Variants in FSTL5 observed in about 807,000 individuals in gnomAD.
FSTL5 encodes follistatin-related protein 5.
In FSTL5, 62 loss-of-function variants were observed where a neutral mutation model predicts 89.1. The ratio of observed to expected loss-of-function variants is 0.70; its 90% confidence interval spans 0.57 to 0.86. The LOEUF is 0.86. FSTL5 is among the 40% of genes least tolerant of loss of function. FSTL5 has a pLI of 0.00. For synonymous variants in FSTL5, 383 were observed against 346.2 expected, an observed-to-expected ratio of 1.11 and a Z score of -1.18; for missense variants, 1,057 against 1,001.6, an observed-to-expected ratio of 1.06 and a Z score of -0.75.
intron 6 of FSTL5, among the ~76,000 whole-genome samples, chr4:161,726,674 T>C (rs1301007165): frequency 6.6e-6 from 1 of 152,164 alleles, no homozygotes; most frequent in African/African-American, 2.4e-5. Flanking sequence ...ACCATTTTGT[T>C]ACAAAGACTA....
rs141804950 is a variant in FSTL5, at chr4:161,739,996, CTATTTATTTATTTATT to C, written c.727+19399_727+19414del. 5.9e-4 allele frequency among the ~76,000 whole-genome samples: 88 copies of C among 149,490 alleles called. 1 individual carries two copies. Among genetic ancestry groups the C allele is most frequent in the African/African-American group, 1.6e-3 (67 of 40,710 alleles). On this transcript the variant is annotated intron_variant, in intron 6 of 15. Transcript: ENST00000306100. ...TAATGTGTTCAAAATAGGATAGTAT[CTATTTATTTATTTATT>C]TATTTATTTATTTATTTATTTATTG...
At chr4:161,930,580 G>A (rs1300070605) in intron 3 of FSTL5, among the ~76,000 whole-genome samples, 1 of 151,534 alleles carries the variant, frequency 6.6e-6, no homozygotes, top group Non-Finnish European at 1.5e-5. Flanking sequence ...AGTAAATACA[G>A]TGTCTTCAGG....
chr4:162,034,523 TCTC>T (rs1737658718), intron 2 of FSTL5, among the ~76,000 whole-genome samples: 1 of 152,094 alleles, frequency 6.6e-6, no homozygotes, highest in Non-Finnish European at 1.5e-5. Context: ...AGTTTGACAT[TCTC>T]CTTATTAGTT....
intron 4 of FSTL5, among the ~76,000 whole-genome samples, chr4:161,898,046 T>C (rs1306697251): frequency 6.7e-6 from 1 of 149,930 alleles, no homozygotes; most frequent in Non-Finnish European, 1.5e-5. Flanking sequence ...TGTCTATTTG[T>C]GAATTGACAG....
chr4:161,467,869 G>C (rs1291215515), intron 13 of FSTL5, among the ~76,000 whole-genome samples: 1 of 152,068 alleles, frequency 6.6e-6, no homozygotes, highest in Admixed American at 6.6e-5. Context: ...TTTTTTAAAA[G>C]ATAAATGTAT....
chr4:161,708,401 T>C (rs1738662685), intron 6 of FSTL5, among the ~76,000 whole-genome samples: 1 of 152,044 alleles, frequency 6.6e-6, no homozygotes, highest in Admixed American at 6.6e-5. Context: ...CTGTAATGCA[T>C]AGCTATACTT....
intron 3 of FSTL5, among the ~76,000 whole-genome samples, chr4:162,011,340 C>G (rs1736761012): frequency 6.6e-6 from 1 of 152,096 alleles, no homozygotes; most frequent in Admixed American, 6.6e-5. Flanking sequence ...CTCCCAAGAT[C>G]AGATTTCCCA....
chr4:162,128,920 C>CTT (rs11317941), intron 1 of FSTL5, among the ~76,000 whole-genome samples: 2 of 129,010 alleles, frequency 1.6e-5, no homozygotes, highest in African/African-American at 5.6e-5. Flanking sequence ...CTGTTTGAGA[C>CTT]TTTTTTTTTT....
chr4:162,130,048 G>A (rs1286935181), intron 1 of FSTL5, among the ~76,000 whole-genome samples: 2 of 152,128 alleles, frequency 1.3e-5, no homozygotes, highest in Admixed American at 6.5e-5. Flanking sequence ...CATAGATATT[G>A]AGCATTTTTC....
chr4:161,546,301 T>A (rs1578914687), intron 8 of FSTL5, among the ~76,000 whole-genome samples: 1 of 148,026 alleles, frequency 6.8e-6, no homozygotes, highest in East Asian at 2.0e-4. Context: ...ATTATATATA[T>A]ATATATACAC....
chr4:161,895,330 C>A (rs1418210478), intron 4 of FSTL5, among the ~76,000 whole-genome samples: 1 of 152,040 alleles, frequency 6.6e-6, no homozygotes, highest in Non-Finnish European at 1.5e-5. Context: ...TTTAAAAATG[C>A]AAATGTCCTT....
intron 5 of FSTL5, among the ~76,000 whole-genome samples, chr4:161,769,394 T>C (rs962723882): frequency 2.0e-5 from 3 of 151,906 alleles, no homozygotes; most frequent in Non-Finnish European, 4.4e-5. Flanking sequence ...AAATGAAAAC[T>C]ATAGGCCAAT....
intron 3 of FSTL5, among the ~76,000 whole-genome samples, chr4:161,948,184 G>A (rs1458650129): frequency 6.6e-6 from 1 of 150,900 alleles, no homozygotes; most frequent in Non-Finnish European, 1.5e-5. Flanking sequence ...TTGACAAACT[G>A]AAGCTAGAGG....
intron 3 of FSTL5, among the ~76,000 whole-genome samples, chr4:162,027,072 A>C (rs965280374): frequency 8.5e-5 from 13 of 152,194 alleles, no homozygotes; most frequent in Admixed American, 8.5e-4. Context: ...TAGAATAAAT[A>C]AGAAACATGA....
At chr4:161,742,821 A>G (rs1433475515) in intron 6 of FSTL5, among the ~76,000 whole-genome samples, 1 of 152,214 alleles carries the variant, frequency 6.6e-6, no homozygotes, top group African/African-American at 2.4e-5. Context: ...AAAAATAACA[A>G]TAAAAGCCGA....
chr4:161,765,458 A>G (rs1301183363), intron 5 of FSTL5, among the ~76,000 whole-genome samples: 1 of 152,198 alleles, frequency 6.6e-6, no homozygotes, highest in African/African-American at 2.4e-5. Context: ...AATACTTATA[A>G]TTGTGAAAGA....
intron 4 of FSTL5, among the ~76,000 whole-genome samples, chr4:161,827,642 A>T: frequency 6.6e-6 from 1 of 152,104 alleles, no homozygotes; most frequent in East Asian, 1.9e-4. Flanking sequence ...GCTGTGGAAG[A>T]TGGGGGCATG....
chr4:161,738,494 T>C (rs1045532850), intron 6 of FSTL5, among the ~76,000 whole-genome samples: 1 of 151,836 alleles, frequency 6.6e-6, no homozygotes, highest in Non-Finnish European at 1.5e-5. Flanking sequence ...AAAAAAGCAA[T>C]TGAAAAAATG....
At chr4:161,835,332 C>A (rs1731001079) in intron 4 of FSTL5, among the ~76,000 whole-genome samples, 1 of 152,106 alleles carries the variant, frequency 6.6e-6, no homozygotes, top group African/African-American at 2.4e-5. Context: ...AAACATTAGA[C>A]CTAAAACCAT....
Sources: gnomAD v4.1 joint callset for allele counts (sites outside exome capture counted in the v4.1 genomes callset) on GRCh38, gnomAD v4.1.1 for gene constraint, MANE v1.5 for transcripts, NCBI Gene and HGNC (gene_info 2026-07-23, HGNC 2026-07-21) for gene names.